The following SERINC1 variants were observed in gnomAD, a reference collection of about 807,000 sequenced individuals.
SERINC1 encodes the protein tumor differentially expressed protein 2.
SERINC1 carries 38 observed loss-of-function variants against 52.9 expected under a neutral mutation model. The ratio of observed to expected loss-of-function variants is 0.72; its 90% CI spans 0.55 to 0.94. The LOEUF is 0.94. Ranked by LOEUF, SERINC1 falls within the 40% of genes least tolerant of loss-of-function variation. The pLI, the probability that SERINC1 is intolerant of heterozygous loss-of-function variation, is 0.00. For synonymous variants in SERINC1, 198 were observed against 183.1 expected, an observed-to-expected ratio of 1.08 and a Z score of -0.66; for missense variants, 471 against 533.9, an observed-to-expected ratio of 0.88 and a Z score of 1.16.
At chr6:122,445,276 T>C (rs1774769512) in intron 9 of SERINC1, 97 bp from the exon 10 acceptor site, 4 of 1,207,480 alleles carry the variant, frequency 3.3e-6, no homozygotes, top group African/African-American at 1.5e-5. Flanking sequence ...GTGCTTTGTA[T>C]ACAGTTTGTG....
rs957755718 is a variant in SERINC1 at position 122,443,963 on chromosome 6, A to C, written c.*1081T>G. On this transcript the variant is annotated 3_prime_UTR_variant, in exon 10 of 10. Coordinates refer to ENST00000339697, the MANE Select transcript of SERINC1 (RefSeq NM_020755.4). ...TACTAAAGCCTAGTGTTTTGCAGTTACTTCCTTCCCTGTCAAAATTTTGCC... is the reference window on the plus strand; with the variant it reads ...TACTAAAGCCTAGTGTTTTGCAGTTCCTTCCTTCCCTGTCAAAATTTTGCC... The C allele has an allele frequency of 6.6e-6, 1 of 152,008 alleles. No individual in the cohort carries two copies. The highest frequency in any genetic ancestry group is 1.5e-5 in the Non-Finnish European group (1 of 67,998). The allele number at this position is 152,008 out of a possible 1,614,324, so 9.4% of individuals were successfully genotyped here.
rs796254626 is a variant in SERINC1, at chr6:122,444,319, TC to T, written c.*724del. ...ACTTTCAAAGTGACTTTCAAACACT[TC>T]CTTCTAACCCATGATTATCCTTTTC... On this transcript the variant is annotated 3_prime_UTR_variant, in exon 10 of 10. Transcript: ENST00000339697. The T allele has an allele frequency of 6.6e-6, 1 of 152,248 alleles. No homozygotes were observed. The highest frequency in any genetic ancestry group is 1.9e-4 in the East Asian group (1 of 5,190). The allele number at this position is 152,248 out of a possible 1,614,324, so 9.4% of individuals were successfully genotyped here.
chr6:122,450,996 C>T (rs751101975), intron 7 of SERINC1, among the ~76,000 whole-genome samples: 5 of 152,088 alleles, frequency 3.3e-5, no homozygotes, highest in South Asian at 2.1e-4. Context: ...ACTTAATGAA[C>T]CAGGAGCAGG....
chr6:122,456,339 T>C (rs750526089), intron 3 of SERINC1, 142 bp downstream of exon 3: 13 of 481,434 alleles, frequency 2.7e-5, no homozygotes, highest in Non-Finnish European at 4.2e-5. Context: ...AAAAACAAGA[T>C]TTTCTTATCC....
At chr6:122,445,291 C>T (rs1184096971) in intron 9 of SERINC1, 112 bp from the exon 10 acceptor site, 1 of 1,000,618 alleles carries the variant, frequency 1.0e-6, no homozygotes, top group Non-Finnish European at 1.5e-6. Flanking sequence ...TTTGTGATTT[C>T]AGATATATCA....
At chr6:122,449,734 T>C (rs1732950009) in intron 7 of SERINC1, among the ~76,000 whole-genome samples, 1 of 152,254 alleles carries the variant, frequency 6.6e-6, no homozygotes, top group Non-Finnish European at 1.5e-5. Flanking sequence ...GTAGCTACAC[T>C]GGTCAGGCAT....
In SERINC1 at chr6:122,468,831, C is replaced by A. The variant is rs556654675; in HGVS notation, c.39+2868G>T. On this transcript the variant is annotated intron_variant, in intron 1 of 9. Coordinates refer to ENST00000339697, the MANE Select transcript of SERINC1 (RefSeq NM_020755.4). ...GCAAAAAATACGCACTCAGTAATCA[C>A]TAGTTCTTAACGACTTAACTAAACT... is the stretch of plus-strand genomic sequence containing the variant. Among the ~76,000 whole-genome samples the A allele has an allele frequency of 5.9e-5, 9 of 152,200 alleles. 1 individual carries two copies. In the South Asian group the frequency reaches 1.7e-3, roughly 28 times the overall value.
chr6:122,458,493 A>ACT, intron 2 of SERINC1, 27 bp downstream of exon 2: 1 of 1,558,546 alleles, frequency 6.4e-7, no homozygotes, highest in South Asian at 1.1e-5. Context: ...AGCCTCAGTT[A>ACT]ATCAATAAAT....
intron 5 of SERINC1, among the ~76,000 whole-genome samples, chr6:122,452,663 G>A (rs1398442785): frequency 6.6e-6 from 1 of 152,128 alleles, no homozygotes; most frequent in Non-Finnish European, 1.5e-5. Context: ...ATGTAGATTT[G>A]CCTCGCTGAC....
intron 3 of SERINC1, chr6:122,454,528 G>T: frequency 3.6e-6 from 1 of 274,848 alleles, no homozygotes. Context: ...GATAAGAAAG[G>T]CAAGTCAACA....
At chr6:122,460,164 C>G (rs1194946913) in intron 1 of SERINC1, among the ~76,000 whole-genome samples, 1 of 152,150 alleles carries the variant, frequency 6.6e-6, no homozygotes, top group African/African-American at 2.4e-5. Flanking sequence ...CCCACCCACT[C>G]CGGGTTCAAG....
intron 7 of SERINC1, among the ~76,000 whole-genome samples, chr6:122,451,039 T>C (rs1235737435): frequency 6.6e-6 from 1 of 152,136 alleles, no homozygotes; most frequent in African/African-American, 2.4e-5. Context: ...TGGAAGGAAA[T>C]TCTACTCTGG....
chr6:122,444,928 C>T lies in SERINC1; in HGVS notation c.*116G>A. On this transcript the variant is annotated 3_prime_UTR_variant, in exon 10 of 10. Coordinates refer to ENST00000339697, the MANE Select transcript of SERINC1 (RefSeq NM_020755.4). ...ACAAGCAGTAAAATCTAATTCATGC[C>T]AGAACACTGGAGAAGTTACATGGGA... The T allele has an allele frequency of 1.1e-6, 1 of 940,120 alleles. No individual in the cohort carries two copies. The highest frequency in any genetic ancestry group is 1.8e-5 in the South Asian group (1 of 56,758). The allele number at this position is 940,120 out of a possible 1,614,324, so 58.2% of individuals were successfully genotyped here.
intron 2 of SERINC1, among the ~76,000 whole-genome samples, chr6:122,457,616 G>A (rs894214393): frequency 6.6e-6 from 1 of 152,042 alleles, no homozygotes; most frequent in Non-Finnish European, 1.5e-5. Context: ...GAAGAGAGCT[G>A]CTGCTTTCTT....
chr6:122,445,930 G>GC (rs1199725324), intron 9 of SERINC1, among the ~76,000 whole-genome samples: 2 of 143,520 alleles, frequency 1.4e-5, no homozygotes, highest in African/African-American at 5.1e-5. Context: ...AGCTTAATAC[G>GC]CTACAGTGTA....
chr6:122,460,271 G>A (rs1775078901), intron 1 of SERINC1, among the ~76,000 whole-genome samples: 1 of 152,084 alleles, frequency 6.6e-6, no homozygotes, highest in Non-Finnish European at 1.5e-5. Flanking sequence ...TTAGTAGACA[G>A]GGTTTCACCA....
At chr6:122,464,526 C>T (rs956587715) in intron 1 of SERINC1, among the ~76,000 whole-genome samples, 10 of 152,210 alleles carry the variant, frequency 6.6e-5, no homozygotes, top group East Asian at 3.9e-4. Context: ...TGCAGAGGGA[C>T]GGTGTGGAAA....
At chr6:122,469,054 GAC>G (rs1239320734) in intron 1 of SERINC1, among the ~76,000 whole-genome samples, 1 of 152,162 alleles carries the variant, frequency 6.6e-6, no homozygotes, top group Non-Finnish European at 1.5e-5. Context: ...CAAAAAAAGA[GAC>G]AACCATGCAT....
At chr6:122,449,603 T>C (rs1217303291) in intron 7 of SERINC1, among the ~76,000 whole-genome samples, 1 of 152,182 alleles carries the variant, frequency 6.6e-6, no homozygotes, top group Non-Finnish European at 1.5e-5. Context: ...ATGGGGTTGG[T>C]TGTTGAGGTT....
Sources: gnomAD v4.1 joint callset for allele counts (sites outside exome capture counted in the v4.1 genomes callset) on GRCh38, gnomAD v4.1.1 for gene constraint, MANE v1.5 for transcripts, NCBI Gene and HGNC (gene_info 2026-07-23, HGNC 2026-07-21) for gene names.